Variants in CDK18 observed in about 807,000 individuals in gnomAD.
CDK18 encodes cyclin-dependent kinase 18.
A neutral mutation model predicts 62.0 loss-of-function variants in CDK18; 52 were observed. The ratio of observed to expected loss-of-function variants is 0.84; its 90% CI spans 0.67 to 1.06. The LOEUF (loss-of-function observed/expected upper bound fraction) is 1.06. Ranked by LOEUF, CDK18 falls within the 50% of genes least tolerant of loss-of-function variation. The probability of loss-of-function intolerance (pLI) is 0.00; values close to 1 mark genes in which losing one functional copy is unlikely to be tolerated. For missense variants in CDK18, 604 were observed against 619.9 expected (o/e 0.97, Z 0.27); for synonymous variants, 237 against 247.0 (o/e 0.96, Z 0.38).
intron 3 of CDK18, 126 bp downstream of exon 3, chr1:205,523,751 C>T: frequency 1.6e-6 from 2 of 1,274,692 alleles, no homozygotes; most frequent in Non-Finnish European, 2.1e-6. Flanking sequence ...TTCATTAGCT[C>T]TGTGACTTTG....
At chr1:205,524,477 C>A in intron 4 of CDK18, 120 bp downstream of exon 4, 1 of 1,171,348 alleles carries the variant, frequency 8.5e-7, no homozygotes, top group Non-Finnish European at 1.2e-6. Context: ...GCCTCTGGTG[C>A]CACCTGCTGG....
chr1:205,520,157 C>A (rs1575061533), intron 1 of CDK18, among the ~76,000 whole-genome samples: 1 of 152,330 alleles, frequency 6.6e-6, no homozygotes, highest in East Asian at 1.9e-4. Context: ...TGCTTCCCTT[C>A]CCTGCTCTGA....
Position 205,523,286 on chromosome 1 carries a change from G to A in CDK18, c.119G>A (p.Arg40Gln), listed in dbSNP as rs778698485. The part of the protein sequence containing the change: ...FTEQFNQLHN[R>Q]RNENLQLGPL... ...GAGCAATTCAACCAGCTCCACAACC[G>A]GCGGAATGAGAGTGAGGGGTCTGGG... is the stretch of plus-strand genomic sequence containing the variant. Residue 40 changes from arginine (R) to glutamine (Q), a missense_variant, in exon 2 of 16, where the codon CGG becomes CAG. Coordinates refer to ENST00000429964, the MANE Select transcript of CDK18 (RefSeq NM_212502.3). 5.0e-6 allele frequency: 8 copies of A among 1,614,064 alleles called. No individual in the cohort carries two copies. The highest frequency in any genetic ancestry group is 6.8e-6 in the Non-Finnish European group (8 of 1,180,004).
At position 205,528,148 on chromosome 1, in the gene CDK18, C is replaced by T. The variant is rs995124732; in HGVS notation, c.954C>T (p.Tyr318=). The T allele has an allele frequency of 1.7e-5, 28 of 1,613,858 alleles. No homozygotes were observed. The highest frequency in any genetic ancestry group is 2.4e-5 in the Non-Finnish European group (28 of 1,179,988). ...PPDVLLGSTE[Y]STPIDMWGVG... is the part of the protein sequence containing the mutation. ...ATGTGCTGCTGGGATCCACAGAGTA[C>T]TCCACCCCCATTGATATGTGGTGAG... The change falls in exon 10 of 16, where the codon TAC becomes TAT. Residue 318 remains tyrosine (Y), a synonymous_variant. Transcript: ENST00000429964. The surrounding 1 kb of genome is among the most constrained non-coding windows in gnomAD (Gnocchi z 4.2).
intron 13 of CDK18, chr1:205,530,006 T>TC: frequency 7.1e-7 from 1 of 1,403,710 alleles, no homozygotes; most frequent in Non-Finnish European, 9.3e-7. Flanking sequence ...TGTATTTCTA[T>TC]CCCAAGAGAA....
In CDK18 at chr1:205,526,855, G is replaced by A. The variant is rs200025630; in HGVS notation, c.729+18G>A. ...ACGTCAAGGTGAGGCCTCGGGGGCA[G>A]GGTCCCCCCATCTTGGCAGCCACCT... On this transcript the variant is annotated intron_variant, in intron 8 of 15. Coordinates refer to ENST00000429964, the MANE Select transcript of CDK18 (RefSeq NM_212502.3). 2.2e-5 allele frequency: 35 copies of A among 1,607,646 alleles called. No individual in the cohort carries two copies. In the African/African-American group the frequency reaches 4.4e-4, roughly 20 times the overall value.
Position 205,529,335 on chromosome 1 carries a change from G to A in CDK18, c.1084G>A (p.Glu362Lys). The change falls in exon 12 of 16, where the codon GAA (glutamate) becomes AAA (lysine). Residue 362 changes from glutamate (E) to lysine (K), a missense_variant. Glu to Lys is a moderately conservative substitution (Grantham distance 56). Transcript: ENST00000429964. ...LIFRLLGTPT[E>K]ETWPGVTAFS... Reference sequence around the variant, plus strand: ...TCTCGTCTCCCCAGGGACCCCCACAGAAGAGACGTGGCCCGGCGTGACCGC... The same window carrying A: ...TCTCGTCTCCCCAGGGACCCCCACAAAAGAGACGTGGCCCGGCGTGACCGC... 4 of 1,613,770 alleles carry A rather than the reference G, an allele frequency of 2.5e-6. No homozygotes were observed. Among genetic ancestry groups the A allele is most frequent in the Non-Finnish European group, 2.5e-6 (3 of 1,179,828 alleles).
At chr1:205,518,719 T>G (rs545897239) in intron 1 of CDK18, among the ~76,000 whole-genome samples, 2 of 152,324 alleles carry the variant, frequency 1.3e-5, no homozygotes, top group Admixed American at 1.3e-4. Context: ...GCTAACATTC[T>G]GGGAGGCCAG....
chr1:205,526,632 C>A, intron 7 of CDK18, 143 bp from the exon 8 acceptor site: 1 of 958,272 alleles, frequency 1.0e-6, no homozygotes, highest in South Asian at 1.3e-5. Flanking sequence ...AGAGCTCAGG[C>A]TTACGGGTGG....
At position 205,530,262 on chromosome 1, in the gene CDK18, G is replaced by A. The variant is rs1205103192; in HGVS notation, c.1225G>A (p.Glu409Lys). The part of the protein sequence containing the change: ...IHLLSSLLLY[E>K]SKSRMSAEAA... Reference sequence around the variant, plus strand: ...AGCCCCACCCTGTGCCTTTCAGTATGAATCCAAGAGTCGCATGTCAGCAGA... The same window carrying A: ...AGCCCCACCCTGTGCCTTTCAGTATAAATCCAAGAGTCGCATGTCAGCAGA... The change falls in exon 14 of 16, where the codon GAA becomes AAA. Residue 409 changes from glutamate to lysine, a missense_variant. Transcript: ENST00000429964. The A allele has an allele frequency of 6.2e-7, 1 of 1,612,384 alleles. No individual in the cohort carries two copies. Among genetic ancestry groups the A allele is most frequent in the Admixed American group, 1.7e-5 (1 of 60,018 alleles).
At position 205,526,417 on chromosome 1, in the gene CDK18, C is replaced by T. The variant is rs778116615; in HGVS notation, c.622C>T (p.Leu208Phe). 12 of 1,614,182 alleles carry T rather than the reference C, an allele frequency of 7.4e-6. No individual in the cohort carries two copies. Among genetic ancestry groups the T allele is most frequent in the Non-Finnish European group, 1.0e-5 (12 of 1,180,008 alleles). ...KHANIVTLHD[L>F]IHTDRSLTLV... ...CGCCAATATTGTGACCCTGCATGAC[C>T]TCATCCACACAGATCGGTCCCTCAC... The change falls in exon 7 of 16, where the codon CTC becomes TTC. Residue 208 changes from leucine to phenylalanine, a missense_variant. Transcript: ENST00000429964.
rs376692846 is a variant in CDK18, at chr1:205,526,472, G to A, written c.666+11G>A. On this transcript the variant is annotated intron_variant, in intron 7 of 15. Coordinates refer to ENST00000429964, the MANE Select transcript of CDK18 (RefSeq NM_212502.3). ...GTGTTTGAGTACCTGGTGAGAGTCCGGCTGGGGCTGGCCGCCTCTCCCTCT... is the reference window on the plus strand; with the variant it reads ...GTGTTTGAGTACCTGGTGAGAGTCCAGCTGGGGCTGGCCGCCTCTCCCTCT... The A allele has an allele frequency of 1.0e-4, 167 of 1,599,922 alleles. 1 individual carries two copies. The highest frequency in any genetic ancestry group is 9.4e-4 in the South Asian group (85 of 90,840).
chr1:205,530,445 C>A, intron 14 of CDK18, 96 bp downstream of exon 14: 1 of 1,372,926 alleles, frequency 7.3e-7, no homozygotes, highest in East Asian at 2.3e-5. Context: ...GCCAGAGGCC[C>A]CAGCCCCAGC....
chr1:205,531,176 A>G (rs995612516), intron 15 of CDK18, among the ~76,000 whole-genome samples, 168 bp from the exon 16 acceptor site: 2 of 152,204 alleles, frequency 1.3e-5, no homozygotes, highest in African/African-American at 2.4e-5. Context: ...TCATGCAGCT[A>G]GTAAGTAGCA....
Position 205,526,547 on chromosome 1 carries a change from G to A in CDK18, c.666+86G>A, listed in dbSNP as rs1016160706. 8 of 1,143,272 alleles carry A rather than the reference G, an allele frequency of 7.0e-6. No individual in the cohort carries two copies. The Admixed American group carries it at 1.2e-4, about 17-fold the overall frequency. The allele number at this position is 1,143,272 out of a possible 1,614,324, so 70.8% of individuals were successfully genotyped here. On this transcript the variant is annotated intron_variant, in intron 7 of 15. Transcript: ENST00000429964. ...GGGGAGTGGGAAGCTGAGGGAGTGG[G>A]AGTAGTGGGATGAGGGCGACCCAGG... is the stretch of plus-strand genomic sequence containing the variant.
chr1:205,529,372 TC>T lies in CDK18; in HGVS notation c.1123del (p.Arg375AlafsTer28), dbSNP rs757301034. ...TWPGVTAFSE[F>X]RTYSFPCYLP... ...CCCGGCGTGACCGCCTTCTCTGAGTTCCGCACCTACAGCTTCCCCTGCTACC... is the reference window on the plus strand; with the variant it reads ...CCCGGCGTGACCGCCTTCTCTGAGTTCGCACCTACAGCTTCCCCTGCTACC... On this transcript the variant is annotated frameshift_variant, in exon 12 of 16. Transcript: ENST00000429964. LOFTEE classifies it high-confidence loss of function. The T allele has an allele frequency of 1.1e-5, 17 of 1,614,014 alleles. No individual in the cohort carries two copies. Among genetic ancestry groups the T allele is most frequent in the Non-Finnish European group, 1.4e-5 (17 of 1,179,954 alleles).
At chr1:205,529,605 GAGCCA>G in intron 13 of CDK18, 42 bp downstream of exon 13, 4 of 1,613,302 alleles carry the variant, frequency 2.5e-6, no homozygotes, top group Non-Finnish European at 3.4e-6. Context: ...GGCAGCCAAA[GAGCCA>G]GGTCCCTGTG....
Position 205,523,568 on chromosome 1 carries a change from G to A in CDK18, c.216G>A (p.Gln72=), listed in dbSNP as rs763464584. 6.2e-7 allele frequency: 1 copy of A among 1,600,370 alleles called. No homozygotes were observed. The highest frequency in any genetic ancestry group is 2.3e-5 in the East Asian group (1 of 44,336). ...SPTDSGEEPG[Q]LSPGVQFQRR... ...CAGACAGCGGGGAGGAGCCGGGGCA[G>A]CTCTCCCCTGGCGTGCAGTTCCAGC... is the stretch of plus-strand genomic sequence containing the variant. Residue 72 remains glutamine, a synonymous_variant, in exon 3 of 16, where the codon CAG becomes CAA. Transcript: ENST00000429964.
rs753319990 is a variant in CDK18 at position 205,526,054 on chromosome 1, C to T, written c.457-11C>T. 6.2e-7 allele frequency: 1 copy of T among 1,604,206 alleles called. No individual in the cohort carries two copies. The highest frequency in any genetic ancestry group is 8.5e-7 in the Non-Finnish European group (1 of 1,173,738). ...GAATGCGCCTGGGGCCGCTGTGGCC[C>T]TCCATCCCAGGGCACCTATGCCACA... On this transcript the variant is annotated splice_polypyrimidine_tract_variant and intron_variant, in intron 5 of 15. Transcript: ENST00000429964.
Sources: gnomAD v4.1 joint callset for allele counts (sites outside exome capture counted in the v4.1 genomes callset) on GRCh38, gnomAD v4.1.1 for gene constraint, Gnocchi (gnomAD v3.1) non-coding constraint, MANE v1.5 for transcripts, NCBI Gene and HGNC (gene_info 2026-07-23, HGNC 2026-07-21) for gene names.